GNG12: variants seen among roughly 807,000 people sequenced by gnomAD.
GNG12 encodes G protein subunit gamma 12.
For missense variants in GNG12, 69 were observed against 83.8 expected (o/e 0.82, Z 0.69); for synonymous variants, 28 against 29.7 (o/e 0.94, Z 0.19).
At chr1:67,771,348 G>A (rs1646673420) in intron 2 of GNG12, among the ~76,000 whole-genome samples, 1 of 152,232 alleles carries the variant, frequency 6.6e-6, no homozygotes, top group African/African-American at 2.4e-5. Flanking sequence ...TGACAGATAA[G>A]AAAACTGTGG....
rs115342821 is a variant in GNG12 at position 67,814,723 on chromosome 1, C to T, written c.-77+18621G>A. On this transcript the variant is annotated intron_variant, in intron 1 of 3. Transcript: ENST00000370982. ...CTTCTGTGGACAGTAAAAGGAAACA[C>T]GTCTCTTAAAGCTATTAGAAAATTA... 8.6e-3 allele frequency among the ~76,000 whole-genome samples: 1,304 copies of T among 152,250 alleles called. 17 individuals are homozygous for T. The highest frequency in any genetic ancestry group is 0.027 in the African/African-American group (1,139 of 41,544).
At chr1:67,807,349 G>A (rs1646899503) in intron 1 of GNG12, among the ~76,000 whole-genome samples, 1 of 151,464 alleles carries the variant, frequency 6.6e-6, no homozygotes, top group South Asian at 2.1e-4. Flanking sequence ...TCTAAAACCA[G>A]TAATTTAAGC....
intron 2 of GNG12, among the ~76,000 whole-genome samples, chr1:67,766,108 A>G (rs374025992): frequency 0.064 from 2,605 of 40,584 alleles, 75 homozygotes; most frequent in African/African-American, 0.18. Context: ...GCACACACGC[A>G]CACACACACA....
intron 2 of GNG12, among the ~76,000 whole-genome samples, chr1:67,711,353 C>A (rs1055198611): frequency 6.6e-6 from 1 of 151,108 alleles, no homozygotes; most frequent in Non-Finnish European, 1.5e-5. Flanking sequence ...TATGTACACA[C>A]GGGAGTGCCA....
intron 2 of GNG12, among the ~76,000 whole-genome samples, chr1:67,724,372 T>C (rs1646373946): frequency 6.6e-6 from 1 of 152,180 alleles, no homozygotes; most frequent in African/African-American, 2.4e-5. Context: ...AAGCCAGTTA[T>C]AGAAGAGCAT....
At chr1:67,730,861 G>A (rs533813854) in intron 2 of GNG12, among the ~76,000 whole-genome samples, 5 of 152,274 alleles carry the variant, frequency 3.3e-5, no homozygotes, top group African/African-American at 1.2e-4. Flanking sequence ...TTGTTTCAGA[G>A]TACTTTTTCT....
chr1:67,720,196 T>A (rs1646348884), intron 2 of GNG12, among the ~76,000 whole-genome samples: 1 of 152,182 alleles, frequency 6.6e-6, no homozygotes. Context: ...ACCTCCAGCA[T>A]GAGATGGCCA....
chr1:67,811,459 G>A (rs527509372), intron 1 of GNG12, among the ~76,000 whole-genome samples: 98 of 152,232 alleles, frequency 6.4e-4, no homozygotes, highest in Middle Eastern at 3.4e-3. Context: ...ACCCTGCTGC[G>A]GTAAAATAAT....
At chr1:67,739,444 T>C (rs929954278) in intron 2 of GNG12, among the ~76,000 whole-genome samples, 4 of 152,234 alleles carry the variant, frequency 2.6e-5, no homozygotes, top group African/African-American at 9.6e-5. Flanking sequence ...GCCTACTATG[T>C]GGTAGGTCCC....
intron 1 of GNG12, among the ~76,000 whole-genome samples, chr1:67,810,835 C>T (rs969285694): frequency 1.3e-5 from 2 of 152,158 alleles, no homozygotes; most frequent in Non-Finnish European, 2.9e-5. Flanking sequence ...CTGAAACTCA[C>T]TATGTCTCAG....
chr1:67,801,514 T>G (rs1646865531), intron 1 of GNG12, among the ~76,000 whole-genome samples: 1 of 152,202 alleles, frequency 6.6e-6, no homozygotes, highest in African/African-American at 2.4e-5. Flanking sequence ...TGGATGTTGG[T>G]GCAGTTAGTC....
In GNG12 at chr1:67,703,588, G is replaced by A. The variant is rs541345988; in HGVS notation, c.*1863C>T. 7.2e-5 allele frequency: 11 copies of A among 152,242 alleles called. No individual in the cohort carries two copies. The highest frequency in any genetic ancestry group is 2.6e-4 in the African/African-American group (11 of 41,534). The allele number at this position is 152,242 out of a possible 1,614,324, so 9.4% of individuals were successfully genotyped here. On this transcript the variant is annotated 3_prime_UTR_variant, in exon 4 of 4. Transcript: ENST00000370982. ...AAATTTCAAATCTCACCCTTTGAGA[G>A]GTAAAATCTTCCTCTCTCCTAAACA...
At chr1:67,779,800 G>A (rs1192196364) in intron 1 of GNG12, among the ~76,000 whole-genome samples, 1 of 152,142 alleles carries the variant, frequency 6.6e-6, no homozygotes, top group African/African-American at 2.4e-5. Flanking sequence ...TGTGAATATC[G>A]TAGGGTGTAC....
At chr1:67,828,396 T>C (rs894574145) in intron 1 of GNG12, among the ~76,000 whole-genome samples, 2 of 152,160 alleles carry the variant, frequency 1.3e-5, no homozygotes, top group African/African-American at 2.4e-5. Context: ...TGCACCTCCA[T>C]CTCCGTGCAG....
chr1:67,722,103 C>T (rs187850413), intron 2 of GNG12, among the ~76,000 whole-genome samples: 120 of 152,076 alleles, frequency 7.9e-4, no homozygotes, highest in Non-Finnish European at 1.5e-3. Flanking sequence ...AGGAGCTCAC[C>T]CACTTCCTTA....
At chr1:67,790,479 G>A (rs1050907370) in intron 1 of GNG12, among the ~76,000 whole-genome samples, 56 of 152,044 alleles carry the variant, frequency 3.7e-4, no homozygotes, top group African/African-American at 1.2e-3. Context: ...ATTCAATAAC[G>A]TTCTATCTGT....
At chr1:67,801,975 AGGGAGGTACAG>A (rs1646868599) in intron 1 of GNG12, among the ~76,000 whole-genome samples, 1 of 151,924 alleles carries the variant, frequency 6.6e-6, no homozygotes, top group Non-Finnish European at 1.5e-5. Context: ...AAGAAAAAGG[AGGGAGGTACAG>A]GGGAGGAAAT....
intron 2 of GNG12, among the ~76,000 whole-genome samples, chr1:67,771,466 G>A (rs1286653788): frequency 6.6e-6 from 1 of 152,218 alleles, no homozygotes; most frequent in East Asian, 1.9e-4. Context: ...CTCTTGTATT[G>A]TCCCGGATGA....
intron 1 of GNG12, among the ~76,000 whole-genome samples, chr1:67,804,413 T>G (rs1646883323): frequency 6.6e-6 from 1 of 152,164 alleles, no homozygotes; most frequent in Admixed American, 6.5e-5. Flanking sequence ...ACTTTCAGCG[T>G]GCACTGAGAA....
Sources: allele counts gnomAD v4.1 joint callset (sites outside exome capture counted in the v4.1 genomes callset), GRCh38; gene constraint gnomAD v4.1.1; transcripts MANE v1.5; gene names NCBI Gene and HGNC (gene_info 2026-07-23, HGNC 2026-07-21).